JAK2: variants seen among roughly 807,000 people sequenced by gnomAD.
JAK2 encodes the protein Janus kinase 2, also known as tyrosine-protein kinase JAK2.
JAK2 carries 86 observed loss-of-function variants against 139.3 expected under a neutral mutation model. The observed-to-expected ratio is 0.62, with a 90% CI of 0.52 to 0.74. The LOEUF is 0.74. Ranked by LOEUF, JAK2 falls within the 30% of genes least tolerant of loss-of-function variation. The probability of loss-of-function intolerance (pLI) is 0.00; values close to 1 mark genes in which losing one functional copy is unlikely to be tolerated. For synonymous variants in JAK2, 490 were observed against 437.7 expected (o/e 1.12, Z -1.49); for missense variants, 1,421 against 1,360.3 (o/e 1.04, Z -0.70).
intron 5 of JAK2, among the ~76,000 whole-genome samples, chr9:5,045,549 T>C (rs1230491010): frequency 6.6e-6 from 1 of 152,204 alleles, no homozygotes; most frequent in Non-Finnish European, 1.5e-5. Flanking sequence ...GGAAACTTCA[T>C]ACCCATTAAA....
chr9:5,044,847 T>C lies in JAK2; in HGVS notation c.468+327T>C, dbSNP rs573677761. ...CATGTAGACATACGTGGCTAAAATA[T>C]TAGTAACATTTCTTTATGGTTTTTA... On this transcript the variant is annotated intron_variant, in intron 5 of 24. Transcript: ENST00000381652. 1.8e-3 allele frequency among the ~76,000 whole-genome samples: 280 copies of C among 152,302 alleles called. 1 individual carries two copies. The highest frequency in any genetic ancestry group is 6.8e-3 in the Middle Eastern group (2 of 294).
At chr9:5,027,478 T>C (rs1338897891) in intron 3 of JAK2, among the ~76,000 whole-genome samples, 1 of 152,226 alleles carries the variant, frequency 6.6e-6, no homozygotes, top group Admixed American at 6.5e-5. Context: ...TTGATGTTGA[T>C]GGCTACTGAC....
chr9:5,033,708 C>T (rs1823341780), intron 4 of JAK2, among the ~76,000 whole-genome samples: 1 of 152,114 alleles, frequency 6.6e-6, no homozygotes, highest in Non-Finnish European at 1.5e-5. Context: ...TTTGTCACCA[C>T]CAGGCCTGCC....
Position 4,992,826 on chromosome 9 carries a change from G to A in JAK2, c.-26+6804G>A, listed in dbSNP as rs552146965. On this transcript the variant is annotated intron_variant, in intron 2 of 24. Coordinates refer to ENST00000381652, the MANE Select transcript of JAK2 (RefSeq NM_004972.4). ...GCATGCAAGGTAGGCACAGTCTGTA[G>A]CAATTCTGCAACCTCACTGGGCACA... is the stretch of plus-strand genomic sequence containing the variant. Among the ~76,000 whole-genome samples the A allele has an allele frequency of 1.7e-4, 26 of 152,272 alleles. No homozygotes were observed. In the South Asian group the frequency reaches 4.4e-3, roughly 26 times the overall value.
intron 8 of JAK2, 31 bp from the exon 9 acceptor site, chr9:5,064,852 G>C (rs769839855): frequency 6.8e-7 from 1 of 1,465,202 alleles, no homozygotes; most frequent in Admixed American, 2.4e-5. Flanking sequence ...CTTTCTAAAA[G>C]GTGCTATTTC....
chr9:5,080,440 CAT>C (rs1173408422), intron 17 of JAK2, 60 bp downstream of exon 17: 4 of 1,541,038 alleles, frequency 2.6e-6, no homozygotes, highest in East Asian at 2.3e-5. Context: ...ATTTCTTTCA[CAT>C]GATTTGTATT....
Position 5,078,404 on chromosome 9 carries a change from T to C in JAK2, c.2091T>C (p.Leu697=), listed in dbSNP as rs759385279. 27 of 1,613,140 alleles carry C rather than the reference T, an allele frequency of 1.7e-5. No individual in the cohort carries two copies. Among genetic ancestry groups the C allele is most frequent in the Non-Finnish European group, 2.3e-5 (27 of 1,179,346 alleles). The change falls in exon 16 of 25, where the codon CTT becomes CTC. Residue 697 remains leucine, a synonymous_variant. Transcript: ENST00000381652. ...CAGGAAATCCTCCTTTCATCAAACT[T>C]AGTGATCCTGGCATTAGTATTACAG... The part of the protein sequence containing the change: ...RKTGNPPFIK[L]SDPGISITVL...
At chr9:5,004,506 A>G (rs1821144106) in intron 2 of JAK2, among the ~76,000 whole-genome samples, 2 of 152,116 alleles carry the variant, frequency 1.3e-5, no homozygotes, top group Non-Finnish European at 2.9e-5. Flanking sequence ...TATTGTGTAC[A>G]TATGCTGTAT....
intron 5 of JAK2, among the ~76,000 whole-genome samples, chr9:5,045,027 T>A (rs893204969): frequency 6.6e-6 from 1 of 152,244 alleles, no homozygotes; most frequent in Non-Finnish European, 1.5e-5. Context: ...TTCAAGTTAT[T>A]TGTTCACTAA....
At chr9:5,023,567 G>C (rs1397049913) in intron 3 of JAK2, among the ~76,000 whole-genome samples, 2 of 152,112 alleles carry the variant, frequency 1.3e-5, no homozygotes, top group Non-Finnish European at 2.9e-5. Flanking sequence ...AAAATTCCAG[G>C]GGTTCACAGT....
At chr9:5,111,952 G>A in intron 22 of JAK2, 1 of 347,156 alleles carries the variant, frequency 2.9e-6, no homozygotes, top group Non-Finnish European at 5.7e-6. Flanking sequence ...AATAACTTGT[G>A]GTCCAGCCCC....
intron 22 of JAK2, among the ~76,000 whole-genome samples, chr9:5,102,991 G>A (rs559612088): frequency 3.5e-4 from 53 of 151,802 alleles, no homozygotes; most frequent in African/African-American, 9.9e-4. Context: ...ATCAACTAAC[G>A]GGCAAAATAA....
rs1291469479 is a variant in JAK2, at chr9:4,994,716, G to C, written c.-26+8694G>C. Among the ~76,000 whole-genome samples, 3 of 152,084 alleles carry C rather than the reference G, an allele frequency of 2.0e-5. No homozygotes were observed. In the South Asian group the frequency reaches 6.2e-4, roughly 32 times the overall value. On this transcript the variant is annotated intron_variant, in intron 2 of 24. Transcript: ENST00000381652. Reference sequence around the variant, plus strand: ...ACATAACAGGCAGCTGGCTAAATTTGGTATGTGTGAACTGTGCTCTGCCAA... The same window carrying C: ...ACATAACAGGCAGCTGGCTAAATTTCGTATGTGTGAACTGTGCTCTGCCAA...
intron 19 of JAK2, 111 bp downstream of exon 19, chr9:5,081,972 A>C: frequency 1.1e-6 from 1 of 906,418 alleles, no homozygotes; most frequent in Non-Finnish European, 1.7e-6. Context: ...CTTGTAGAAA[A>C]AAAAGGTTTG....
intron 2 of JAK2, among the ~76,000 whole-genome samples, chr9:5,001,020 T>C (rs1380804751): frequency 2.0e-5 from 3 of 152,198 alleles, no homozygotes; most frequent in Non-Finnish European, 2.9e-5. Flanking sequence ...GTAGAGTATA[T>C]AGAAATACAA....
At chr9:5,013,700 G>A (rs1821858003) in intron 2 of JAK2, among the ~76,000 whole-genome samples, 1 of 152,024 alleles carries the variant, frequency 6.6e-6, no homozygotes, top group African/African-American at 2.4e-5. Context: ...TTTAATTGTT[G>A]TGTGAAACTT....
chr9:5,090,781 C>T lies in JAK2; in HGVS notation c.2929C>T (p.Leu977=), dbSNP rs753138991. ...LGTKRYIHRD[L]ATRNILVENE... ...TACAAAAAGGTATATCCACAGGGAT[C>T]TGGCAACGAGAAATATATTGGTGGA... is the stretch of plus-strand genomic sequence containing the variant. Residue 977 remains leucine (L), a synonymous_variant, in exon 22 of 25, where the codon CTG becomes TTG. Transcript: ENST00000381652. 2.6e-5 allele frequency: 42 copies of T among 1,612,760 alleles called. 1 individual carries two copies. In the South Asian group the frequency reaches 4.6e-4, roughly 18 times the overall value.
intron 22 of JAK2, chr9:5,110,922 G>A (rs1165004854): frequency 1.4e-5 from 8 of 571,002 alleles, no homozygotes; most frequent in African/African-American, 9.4e-5. Context: ...GAATGAACCA[G>A]CCGCAGAGGA....
chr9:5,058,990 T>G (rs1817972206), intron 8 of JAK2, among the ~76,000 whole-genome samples: 1 of 152,194 alleles, frequency 6.6e-6, no homozygotes, highest in Admixed American at 6.5e-5. Flanking sequence ...TGCTTTTCAC[T>G]ATGTTGCTTG....
Sources: allele counts gnomAD v4.1 joint callset (sites outside exome capture counted in the v4.1 genomes callset), GRCh38; gene constraint gnomAD v4.1.1; transcripts MANE v1.5; gene names NCBI Gene and HGNC (gene_info 2026-07-23, HGNC 2026-07-21).